Variants in NBAS observed in about 807,000 individuals in gnomAD.
NBAS encodes the protein NAG/BC035112 fusion.
NBAS carries 219 observed loss-of-function variants against 302.5 expected under a neutral mutation model. The observed-to-expected ratio is 0.72, with a 90% CI of 0.65 to 0.81. The LOEUF (loss-of-function observed/expected upper bound fraction) is 0.81, where lower values mean the gene tolerates loss of function less well. Ranked by LOEUF, NBAS falls within the 30% of genes least tolerant of loss-of-function variation. NBAS has a pLI of 0.00. For missense variants in NBAS, 2,932 were observed against 2,841.6 expected (o/e 1.03, Z -0.72); for synonymous variants, 1,118 against 1,021.6 (o/e 1.09, Z -1.80).
chr2:14,781,334 C>A, the NBAS span, among the ~76,000 whole-genome samples: 1 of 152,298 alleles, frequency 6.6e-6, no homozygotes, highest in East Asian at 1.9e-4. Flanking sequence ...CAGCCCAGAA[C>A]CAGTTAATCC....
At chr2:14,966,783 T>C in the NBAS span, among the ~76,000 whole-genome samples, 1 of 152,166 alleles carries the variant, frequency 6.6e-6, no homozygotes, top group Non-Finnish European at 1.5e-5. Context: ...CAGTATCATA[T>C]CAGAAGTCCT....
chr2:14,782,995 T>C, the NBAS span, among the ~76,000 whole-genome samples: 11 of 151,696 alleles, frequency 7.3e-5, no homozygotes, highest in Non-Finnish European at 1.5e-4. Context: ...TCAGAAAAAA[T>C]TGCCATTGGG....
intron 10 of NBAS, among the ~76,000 whole-genome samples, chr2:15,509,567 T>TA (rs2148645504): frequency 6.6e-6 from 1 of 152,374 alleles, no homozygotes; most frequent in South Asian, 2.1e-4. Flanking sequence ...TATTAAATGC[T>TA]AAAAATAAAA....
chr2:15,216,249 C>T (rs1316788418), intron 48 of NBAS, among the ~76,000 whole-genome samples: 2 of 152,080 alleles, frequency 1.3e-5, no homozygotes, highest in Non-Finnish European at 2.9e-5. Flanking sequence ...TGTATCATTA[C>T]CTACCAAGAA....
the NBAS span, among the ~76,000 whole-genome samples, chr2:14,803,120 C>T: frequency 6.6e-6 from 1 of 152,214 alleles, no homozygotes; most frequent in African/African-American, 2.4e-5. Flanking sequence ...AGGACCATAA[C>T]AGCATTTAGT....
intron 12 of NBAS, among the ~76,000 whole-genome samples, chr2:15,482,352 A>G (rs1302163479): frequency 6.6e-6 from 1 of 152,172 alleles, no homozygotes. Context: ...CCTGGGCTCA[A>G]GCAATTCCAC....
intron 25 of NBAS, among the ~76,000 whole-genome samples, chr2:15,406,536 C>T (rs1676424409): frequency 6.6e-6 from 1 of 151,994 alleles, no homozygotes; most frequent in Non-Finnish European, 1.5e-5. Flanking sequence ...AATACAGAGG[C>T]AGTAAAAGAT....
In NBAS at chr2:15,379,699, C is replaced by T; in HGVS notation, c.3493G>A (p.Val1165Ile). The change falls in exon 30 of 52, where the codon GTC (valine) becomes ATC (isoleucine). Residue 1165 changes from valine to isoleucine, a missense_variant. Transcript: ENST00000281513. ...IAHKGKPHYRVSYEKSIDLVL... is the reference protein window; with the variant it reads ...IAHKGKPHYRISYEKSIDLVL... ...AAGTCAATACTCTTTTCGTAGCTGA[C>T]CCTGTAGTGGGGTTTCCCTTTATGG... 1 of 1,614,008 alleles carries T rather than the reference C, an allele frequency of 6.2e-7. No homozygotes were observed. The highest frequency in any genetic ancestry group is 8.5e-7 in the Non-Finnish European group (1 of 1,180,006).
chr2:15,188,923 T>G (rs1665214558), intron 49 of NBAS, among the ~76,000 whole-genome samples: 1 of 152,182 alleles, frequency 6.6e-6, no homozygotes. Context: ...GGCAATCTGA[T>G]CAGTGGGCTC....
At chr2:14,819,307 C>A in the NBAS span, among the ~76,000 whole-genome samples, 1 of 152,098 alleles carries the variant, frequency 6.6e-6, no homozygotes, top group Non-Finnish European at 1.5e-5. Flanking sequence ...ACTATAGAAC[C>A]CTTCCAATCC....
intron 11 of NBAS, among the ~76,000 whole-genome samples, chr2:15,495,208 C>T (rs1304632858): frequency 6.6e-6 from 1 of 152,158 alleles, no homozygotes; most frequent in Non-Finnish European, 1.5e-5. Context: ...CAAAACTAAC[C>T]GGCCTGCACC....
Position 15,348,551 on chromosome 2 carries a change from G to A in NBAS, c.4179+3441C>T, listed in dbSNP as rs537236883. ...TCACAGATTTTGGAAAGAACAAGCG[G>A]GTTCCAAATAATTCATAAAGCTGAG... is the stretch of plus-strand genomic sequence containing the variant. On this transcript the variant is annotated intron_variant, in intron 35 of 51. Coordinates refer to ENST00000281513, the MANE Select transcript of NBAS (RefSeq NM_015909.4). Among the ~76,000 whole-genome samples, 9 of 152,080 alleles carry A rather than the reference G, an allele frequency of 5.9e-5. No individual in the cohort carries two copies. The South Asian group carries it at 1.2e-3, about 21-fold the overall frequency.
chr2:15,167,190 C>G lies in NBAS; in HGVS notation c.6974G>C (p.Trp2325Ser), dbSNP rs1664064294. ...GTGTCTGCCCAGCTCCTCTGCATCCCAGCGCCCTTGCTGGAGGCTAGCCAA... is the reference window on the plus strand; with the variant it reads ...GTGTCTGCCCAGCTCCTCTGCATCCGAGCGCCCTTGCTGGAGGCTAGCCAA... ...HLLASLQQGR[W>S]DAEELGRHLR... Residue 2325 changes from tryptophan to serine, a missense_variant, in exon 52 of 52, where the codon TGG (tryptophan) becomes TCG (serine). Physicochemically the swap from Trp to Ser is radical, Grantham distance 177. Transcript: ENST00000281513. The G allele has an allele frequency of 6.2e-7, 1 of 1,614,138 alleles. No individual in the cohort carries two copies. Among genetic ancestry groups the G allele is most frequent in the Admixed American group, 1.7e-5 (1 of 60,014 alleles).
chr2:15,397,358 A>AT lies in NBAS; in HGVS notation c.3072-884dup, dbSNP rs567317266. 910 of 239,386 alleles carry AT rather than the reference A, an allele frequency of 3.8e-3. 1 individual carries two copies. Among genetic ancestry groups the AT allele is most frequent in the Non-Finnish European group, 5.3e-3 (673 of 127,544 alleles). The allele number at this position is 239,386 out of a possible 1,614,324, so 14.8% of individuals were successfully genotyped here. A position where few individuals can be genotyped will look rare whatever the true frequency, so the allele number is the denominator to read the frequency against. On this transcript the variant is annotated intron_variant, in intron 26 of 51. Transcript: ENST00000281513. Reference sequence around the variant, plus strand: ...GATCTTATGGTTTTATTTATTTTTTATTTTTTTTTCAGTACAATTTCCATT... The same window carrying AT: ...GATCTTATGGTTTTATTTATTTTTTATTTTTTTTTTCAGTACAATTTCCATT...
At chr2:14,927,711 A>G in the NBAS span, among the ~76,000 whole-genome samples, 1 of 152,284 alleles carries the variant, frequency 6.6e-6, no homozygotes, top group Admixed American at 6.5e-5. Context: ...CTTTGCCAAC[A>G]CTTATTTTCT....
chr2:15,137,643 T>C, the NBAS span, among the ~76,000 whole-genome samples: 416 of 152,350 alleles, frequency 2.7e-3, 2 homozygotes, highest in African/African-American at 9.3e-3. Flanking sequence ...ATCTTAACTT[T>C]ACATTTTTAT....
At chr2:15,464,228 T>C (rs1456358418) in intron 19 of NBAS, among the ~76,000 whole-genome samples, 1 of 152,232 alleles carries the variant, frequency 6.6e-6, no homozygotes, top group Non-Finnish European at 1.5e-5. Context: ...TTTTATTTCC[T>C]AGTCTCTGTT....
intron 3 of NBAS, 50 bp downstream of exon 3, chr2:15,556,733 T>G: frequency 6.9e-7 from 1 of 1,458,470 alleles, no homozygotes; most frequent in Non-Finnish European, 9.6e-7. Context: ...TAGAACAATA[T>G]TGTTTATATT....
chr2:15,118,018 T>C, the NBAS span, among the ~76,000 whole-genome samples: 3 of 152,230 alleles, frequency 2.0e-5, no homozygotes, highest in Non-Finnish European at 4.4e-5. Context: ...TATCAGAGCA[T>C]CCCCTGTGTT....
Sources: gnomAD v4.1 joint callset for allele counts (sites outside exome capture counted in the v4.1 genomes callset) on GRCh38, gnomAD v4.1.1 for gene constraint, MANE v1.5 for transcripts, NCBI Gene and HGNC (gene_info 2026-07-23, HGNC 2026-07-21) for gene names.